ABCG1: variants seen among roughly 807,000 people sequenced by gnomAD.
ABCG1 encodes the protein ATP binding cassette subfamily G member 1.
In ABCG1, 29 loss-of-function variants were observed where a neutral mutation model predicts 69.2. The ratio of observed to expected loss-of-function variants is 0.42; its 90% CI spans 0.31 to 0.57. The LOEUF is 0.57. ABCG1 is among the 20% of genes least tolerant of loss of function. ABCG1 has a pLI of 0.15. For synonymous variants in ABCG1, 370 were observed against 374.8 expected, an observed-to-expected ratio of 0.99 and a Z score of 0.15; for missense variants, 718 against 898.1, an observed-to-expected ratio of 0.80 and a Z score of 2.56.
chr21:42,232,275 G>A (rs895751646), intron 2 of ABCG1, among the ~76,000 whole-genome samples: 2 of 152,208 alleles, frequency 1.3e-5, no homozygotes, highest in Non-Finnish European at 2.9e-5. Flanking sequence ...ATATCCAAGG[G>A]GTCTAGATGC....
intron 13 of ABCG1, among the ~76,000 whole-genome samples, chr21:42,292,236 G>A (rs1034546524): frequency 3.3e-5 from 5 of 152,174 alleles, no homozygotes; most frequent in South Asian, 2.1e-4. Context: ...GGGAACACCC[G>A]AGGGCCCCAG....
In ABCG1 at chr21:42,288,313, G is replaced by A; in HGVS notation, c.1224+1G>A. ...CTTCCTCAGCATCATGAGGGACTCG[G>A]TAAGGCTGCCCGCATCTTCTCCTGT... On this transcript the variant is annotated splice_donor_variant, in intron 10 of 14. Coordinates refer to ENST00000398449, the MANE Select transcript of ABCG1 (RefSeq NM_016818.3). LOFTEE classifies it high-confidence loss of function. The surrounding 1 kb of genome is among the most constrained non-coding windows in gnomAD (Gnocchi z 4.8). 1.3e-6 allele frequency: 2 copies of A among 1,589,338 alleles called. No individual in the cohort carries two copies. The highest frequency in any genetic ancestry group is 1.7e-6 in the Non-Finnish European group (2 of 1,164,840).
intron 2 of ABCG1, among the ~76,000 whole-genome samples, chr21:42,241,037 T>C (rs1011756998): frequency 6.6e-6 from 1 of 152,260 alleles, no homozygotes; most frequent in African/African-American, 2.4e-5. Flanking sequence ...GCTTGGGATC[T>C]GGAATGGACA....
At chr21:42,290,577 T>A (rs942334222) in intron 11 of ABCG1, among the ~76,000 whole-genome samples, 2 of 152,212 alleles carry the variant, frequency 1.3e-5, no homozygotes, top group Non-Finnish European at 2.9e-5. Flanking sequence ...CGGGAGCAGA[T>A]AAGCTCTCTT....
At chr21:42,259,249 AAAG>A (rs2068362051) in intron 2 of ABCG1, 2 of 1,464,308 alleles carry the variant, frequency 1.4e-6, no homozygotes, top group Admixed American at 2.5e-5. Flanking sequence ...CAGAGTCAGC[AAAG>A]CACAGCCTGG....
At chr21:42,259,569 C>A in intron 2 of ABCG1, 2 of 1,491,552 alleles carry the variant, frequency 1.3e-6, no homozygotes, top group South Asian at 1.3e-5. Flanking sequence ...GGAGGCAAAT[C>A]GAGTGGCATT....
At position 42,219,535 on chromosome 21, in the gene ABCG1, G is replaced by A. The variant is rs2067686761; in HGVS notation, c.42+231G>A. Among the ~76,000 whole-genome samples, 1 of 152,194 alleles carries A rather than the reference G, an allele frequency of 6.6e-6. No individual in the cohort carries two copies. The highest frequency in any genetic ancestry group is 2.4e-5 in the African/African-American group (1 of 41,456). On this transcript the variant is annotated intron_variant, in intron 1 of 14. Transcript: ENST00000398449. The surrounding 1 kb of genome is among the most constrained non-coding windows in gnomAD (Gnocchi z 5.3). ...TGCACCGGCAGAGAGCACGGACTAG[G>A]TGGAGGGGCCGGGAGTGGGGCGGGG...
At chr21:42,240,732 G>A (rs996341026) in intron 2 of ABCG1, among the ~76,000 whole-genome samples, 2 of 152,288 alleles carry the variant, frequency 1.3e-5, no homozygotes, top group African/African-American at 4.8e-5. Flanking sequence ...ACAGGCGTGA[G>A]CCACCGCACC....
intron 2 of ABCG1, among the ~76,000 whole-genome samples, chr21:42,231,251 T>G (rs1185568844): frequency 6.6e-6 from 1 of 152,200 alleles, no homozygotes; most frequent in African/African-American, 2.4e-5. Flanking sequence ...AAGATTACCT[T>G]GAGGCGAAGT....
At position 42,259,326 on chromosome 21, in the gene ABCG1, C is replaced by T. The variant is rs1481193450; in HGVS notation, c.287-11744C>T. ...TTTTGTTGCAGTAGCCACAGCCGTGCATGTACAGGTGGCAGCTTTAGCTTC... is the reference window on the plus strand; with the variant it reads ...TTTTGTTGCAGTAGCCACAGCCGTGTATGTACAGGTGGCAGCTTTAGCTTC... On this transcript the variant is annotated intron_variant, in intron 2 of 14. Coordinates refer to ENST00000398449, the MANE Select transcript of ABCG1 (RefSeq NM_016818.3). 3.2e-6 allele frequency: 5 copies of T among 1,548,714 alleles called. No homozygotes were observed. In the South Asian group the frequency reaches 3.6e-5, roughly 11 times the overall value.
intron 2 of ABCG1, among the ~76,000 whole-genome samples, chr21:42,235,464 T>TCAGGAGAC (rs1185623342): frequency 1.3e-5 from 2 of 152,156 alleles, no homozygotes; most frequent in Non-Finnish European, 2.9e-5. Context: ...TGACACAGCC[T>TCAGGAGAC]CAGGAGACCA....
Position 42,225,904 on chromosome 21 carries a change from G to A in ABCG1, c.276G>A (p.Trp92Ter), listed in dbSNP as rs1272752933. ...LSYSVPEGPW[W>*]RKKGYKTLLK... ...ATTCGGTTCCTGAAGGACCCTGGTGGAGGAAGAAAGGTAGGGAGGGCGGCT... is the reference window on the plus strand; with the variant it reads ...ATTCGGTTCCTGAAGGACCCTGGTGAAGGAAGAAAGGTAGGGAGGGCGGCT... The change falls in exon 2 of 15, where the codon TGG becomes TGA. Residue 92 changes from tryptophan (W) to a stop codon, truncating the protein, a stop_gained. Transcript: ENST00000398449. LOFTEE classifies it high-confidence loss of function. 6.2e-7 allele frequency: 1 copy of A among 1,612,346 alleles called. No homozygotes were observed. Among genetic ancestry groups the A allele is most frequent in the Admixed American group, 1.7e-5 (1 of 60,006 alleles).
rs1405765184 is a variant in ABCG1, at chr21:42,283,712, TACCA to T, written c.735-847_735-844del. Among the ~76,000 whole-genome samples the T allele has an allele frequency of 1.9e-3, 144 of 76,422 alleles. 4 individuals carry two copies. The highest frequency in any genetic ancestry group is 7.9e-3 in the African/African-American group (123 of 15,486). 50.1% of individuals were successfully genotyped at this position (76,422 alleles called of 152,430 possible). ...CTTTCCCACCTGGACAGTTGTGAAG[TACCA>T]CCCACCACCCAGATGAGTGGGGACC... On this transcript the variant is annotated intron_variant, in intron 6 of 14. Coordinates refer to ENST00000398449, the MANE Select transcript of ABCG1 (RefSeq NM_016818.3).
chr21:42,203,601 T>C (rs897419803), intron 2 of ABCG1, among the ~76,000 whole-genome samples: 6 of 152,262 alleles, frequency 3.9e-5, no homozygotes, highest in Admixed American at 1.3e-4. Flanking sequence ...TTCTGTTCCA[T>C]TGGTCTTTGC....
At chr21:42,244,266 A>T (rs964061816) in intron 2 of ABCG1, among the ~76,000 whole-genome samples, 1 of 152,128 alleles carries the variant, frequency 6.6e-6, no homozygotes, top group African/African-American at 2.4e-5. Flanking sequence ...GCTCACAGGG[A>T]TTCAGGAGGG....
rs1226135654 is a variant in ABCG1, at chr21:42,291,342, G to C, written c.1494+150G>C. 4 of 1,214,338 alleles carry C rather than the reference G, an allele frequency of 3.3e-6. No homozygotes were observed. The highest frequency in any genetic ancestry group is 1.4e-5 in the South Asian group (1 of 70,932). The allele number at this position is 1,214,338 out of a possible 1,614,324, so 75.2% of individuals were successfully genotyped here. On this transcript the variant is annotated intron_variant, in intron 12 of 14. Coordinates refer to ENST00000398449, the MANE Select transcript of ABCG1 (RefSeq NM_016818.3). The surrounding 1 kb of genome is among the most constrained non-coding windows in gnomAD (Gnocchi z 6.4). The stretch of plus-strand genomic sequence containing the variant: ...GAGCTGCGGGGAAGGGCCTGACTTC[G>C]GGAGCTGTGGCGGGAGCTGTGGGGA...
At chr21:42,259,272 C>A in intron 2 of ABCG1, 1 of 1,508,970 alleles carries the variant, frequency 6.6e-7, no homozygotes, top group Non-Finnish European at 8.9e-7. Flanking sequence ...GAGACCAGAT[C>A]TGTGCTCTGC....
intron 2 of ABCG1, among the ~76,000 whole-genome samples, chr21:42,261,459 T>C (rs1448331501): frequency 6.6e-6 from 1 of 152,080 alleles, no homozygotes; most frequent in Non-Finnish European, 1.5e-5. Context: ...ACAAGCAGGA[T>C]AGCAAACTCC....
intron 2 of ABCG1, among the ~76,000 whole-genome samples, chr21:42,228,283 G>A (rs1169100824): frequency 6.6e-6 from 1 of 152,174 alleles, no homozygotes; most frequent in Non-Finnish European, 1.5e-5. Flanking sequence ...CTCAGAAATG[G>A]GTGGAGCCAG....
Sources: gnomAD v4.1 joint callset for allele counts (sites outside exome capture counted in the v4.1 genomes callset) on GRCh38, gnomAD v4.1.1 for gene constraint, Gnocchi (gnomAD v3.1) non-coding constraint, MANE v1.5 for transcripts, NCBI Gene and HGNC (gene_info 2026-07-23, HGNC 2026-07-21) for gene names.